TBK1: variants seen among roughly 807,000 people sequenced by gnomAD.
The protein encoded by TBK1 is serine/threonine-protein kinase TBK1.
TBK1 carries 37 observed loss-of-function variants against 99.9 expected under a neutral mutation model. The observed-to-expected ratio is 0.37, with a 90% CI of 0.28 to 0.49. The LOEUF is 0.49. TBK1 is among the 20% of genes least tolerant of loss of function. The pLI, the probability that TBK1 is intolerant of heterozygous loss-of-function variation, is 0.98. For missense variants in TBK1, 644 were observed against 872.5 expected, an observed-to-expected ratio of 0.74 and a Z score of 3.30; for synonymous variants, 258 against 279.8, an observed-to-expected ratio of 0.92 and a Z score of 0.78.
At chr12:64,483,609 C>T (rs930913655) in intron 8 of TBK1, among the ~76,000 whole-genome samples, 1 of 152,070 alleles carries the variant, frequency 6.6e-6, no homozygotes, top group African/African-American at 2.4e-5. Context: ...AAGTCACTTA[C>T]GGTTTTATAG....
In TBK1 at chr12:64,497,063, C is replaced by T; in HGVS notation, c.1862+13C>T. 1 of 1,604,454 alleles carries T rather than the reference C, an allele frequency of 6.2e-7. No homozygotes were observed. The highest frequency in any genetic ancestry group is 8.5e-7 in the Non-Finnish European group (1 of 1,172,668). On this transcript the variant is annotated intron_variant, in intron 17 of 20. Transcript: ENST00000331710. Reference sequence around the variant, plus strand: ...AAGAATGGATAAGGTGAGTAAACTTCTTTTGGAGTGATTAGTGGTTGACTG... The same window carrying T: ...AAGAATGGATAAGGTGAGTAAACTTTTTTTGGAGTGATTAGTGGTTGACTG...
At chr12:64,495,325 A>G in intron 13 of TBK1, 158 bp from the exon 14 acceptor site, 1 of 900,302 alleles carries the variant, frequency 1.1e-6, no homozygotes, top group Non-Finnish European at 1.6e-6. Context: ...AAATCAACCT[A>G]AGAAACTCTT....
chr12:64,472,052 A>G (rs1369155523), intron 5 of TBK1, among the ~76,000 whole-genome samples: 1 of 151,842 alleles, frequency 6.6e-6, no homozygotes. Flanking sequence ...TGCTAGGTCA[A>G]AGGTTTGGCA....
intron 1 of TBK1, among the ~76,000 whole-genome samples, chr12:64,455,246 A>G (rs1244204957): frequency 1.3e-5 from 2 of 152,094 alleles, no homozygotes; most frequent in Non-Finnish European, 2.9e-5. Context: ...TCGGCCTCCA[A>G]AAGTGCTGAG....
chr12:64,461,982 A>G (rs1320753865), intron 3 of TBK1, among the ~76,000 whole-genome samples: 1 of 152,214 alleles, frequency 6.6e-6, no homozygotes, highest in Non-Finnish European at 1.5e-5. Context: ...GTATGCATGA[A>G]GTATTGCCAG....
intron 18 of TBK1, 38 bp downstream of exon 18, chr12:64,497,297 C>G (rs1464592399): frequency 7.4e-7 from 1 of 1,357,428 alleles, no homozygotes; most frequent in Non-Finnish European, 1.0e-6. Flanking sequence ...AAATTCTTCT[C>G]AGTTTATAAC....
Position 64,485,522 on chromosome 12 carries a change from T to C in TBK1, c.1248+9T>C, listed in dbSNP as rs776125949. The C allele has an allele frequency of 6.9e-7, 1 of 1,439,868 alleles. No homozygotes were observed. The highest frequency in any genetic ancestry group is 9.6e-7 in the Non-Finnish European group (1 of 1,039,942). 89.2% of individuals were successfully genotyped at this position (1,439,868 alleles called of 1,614,324 possible). On this transcript the variant is annotated intron_variant, in intron 10 of 20. Transcript: ENST00000331710. ...ATGCTAGCATGGCTAAGGTTAGTATTTAATTTAATTACTATGTAAACATCT... is the reference window on the plus strand; with the variant it reads ...ATGCTAGCATGGCTAAGGTTAGTATCTAATTTAATTACTATGTAAACATCT...
At chr12:64,495,049 AAGAGG>A (rs2040911237) in intron 13 of TBK1, among the ~76,000 whole-genome samples, 1 of 152,192 alleles carries the variant, frequency 6.6e-6, no homozygotes, top group Non-Finnish European at 1.5e-5. Context: ...TTCTGTTTTT[AAGAGG>A]AGTTGCTTTG....
rs2040754558 is a variant in TBK1, at chr12:64,480,137, C to A, written c.812+15C>A. 1 of 1,582,494 alleles carries A rather than the reference C, an allele frequency of 6.3e-7. No individual in the cohort carries two copies. Among genetic ancestry groups the A allele is most frequent in the Non-Finnish European group, 8.6e-7 (1 of 1,159,590 alleles). ...AGTCTTTCTCGGTAAGTATGGTGTA[C>A]CTAATTCTCATCTTTTGCACTTTGG... On this transcript the variant is annotated intron_variant, in intron 7 of 20. Coordinates refer to ENST00000331710, the MANE Select transcript of TBK1 (RefSeq NM_013254.4).
chr12:64,463,332 A>C (rs1211476844), intron 3 of TBK1, among the ~76,000 whole-genome samples: 1 of 151,804 alleles, frequency 6.6e-6, no homozygotes, highest in African/African-American at 2.4e-5. Flanking sequence ...GTGAGCCGAG[A>C]TCGCGCCACT....
At chr12:64,463,150 T>C (rs1403019065) in intron 3 of TBK1, among the ~76,000 whole-genome samples, 1 of 151,998 alleles carries the variant, frequency 6.6e-6, no homozygotes, top group African/African-American at 2.4e-5. Flanking sequence ...GGTGGGCGGA[T>C]CACGAGGTCA....
chr12:64,474,677 TTA>T (rs371214992), intron 6 of TBK1, among the ~76,000 whole-genome samples: 34 of 152,318 alleles, frequency 2.2e-4, no homozygotes, highest in African/African-American at 7.0e-4. Flanking sequence ...AGCACACTGT[TTA>T]TTTCACTCTG....
At chr12:64,497,119 T>C in intron 17 of TBK1, 44 bp from the exon 18 acceptor site, 1 of 1,583,192 alleles carries the variant, frequency 6.3e-7, no homozygotes, top group Non-Finnish European at 8.6e-7. Context: ...GAAGTAAGAA[T>C]GCTTCACTAG....
intron 5 of TBK1, 131 bp from the exon 6 acceptor site, chr12:64,474,099 C>G (rs145408570): frequency 7.0e-6 from 6 of 859,522 alleles, no homozygotes; most frequent in Non-Finnish European, 1.0e-5. Flanking sequence ...GTGAAATAGT[C>G]TTTTCAGATT....
At chr12:64,498,105 T>C (rs765209471) in intron 20 of TBK1, 66 bp downstream of exon 20, 23 of 1,281,618 alleles carry the variant, frequency 1.8e-5, no homozygotes, top group East Asian at 2.3e-5. Flanking sequence ...TCTGTACTTA[T>C]ATCTTCCTGT....
chr12:64,488,688 C>A (rs2040841285), intron 12 of TBK1, 100 bp downstream of exon 12: 3 of 852,942 alleles, frequency 3.5e-6, no homozygotes, highest in African/African-American at 1.8e-5. Context: ...GCATGCTATG[C>A]TAGGGTTTCT....
chr12:64,469,794 T>TC (rs1479948629), intron 5 of TBK1, among the ~76,000 whole-genome samples: 2 of 150,230 alleles, frequency 1.3e-5, no homozygotes, highest in African/African-American at 4.9e-5. Context: ...ACCCAGTACT[T>TC]TTTTTTTTTC....
chr12:64,458,185 G>A (rs920514919), intron 2 of TBK1, among the ~76,000 whole-genome samples: 1 of 151,912 alleles, frequency 6.6e-6, no homozygotes, highest in Non-Finnish European at 1.5e-5. Context: ...TTTTCCTAGG[G>A]ATGTGCTTTG....
In TBK1 at chr12:64,455,977, TG is replaced by T. The variant is rs2040483343; in HGVS notation, c.87+21del. 1 of 1,560,286 alleles carries T rather than the reference TG, an allele frequency of 6.4e-7. No homozygotes were observed. Among genetic ancestry groups the T allele is most frequent in the Non-Finnish European group, 8.8e-7 (1 of 1,141,582 alleles). On this transcript the variant is annotated intron_variant, in intron 2 of 20. Transcript: ENST00000331710. ...CATAAGGTTAGTACAGAGAAAACTT[TG>T]AAGACCTTTTATCACTGTATGTATT...
Sources: allele counts gnomAD v4.1 joint callset (sites outside exome capture counted in the v4.1 genomes callset), GRCh38; gene constraint gnomAD v4.1.1; transcripts MANE v1.5; gene names NCBI Gene and HGNC (gene_info 2026-07-23, HGNC 2026-07-21).